SLC25A26: variants seen among roughly 807,000 people sequenced by gnomAD.
The protein encoded by SLC25A26 is solute carrier family 25 member 26.
A neutral mutation model predicts 37.8 loss-of-function variants in SLC25A26; 36 were observed. That is an observed-to-expected ratio of 0.95 (90% CI 0.73 to 1.26). The LOEUF is 1.26. Among genes scored for constraint, SLC25A26 ranks in the 50% most tolerant of loss-of-function variants. The probability of loss-of-function intolerance (pLI) is 0.00; values close to 1 mark genes in which losing one functional copy is unlikely to be tolerated. For synonymous variants in SLC25A26, 129 were observed against 122.5 expected, an observed-to-expected ratio of 1.05 and a Z score of -0.35; for missense variants, 390 against 331.1, an observed-to-expected ratio of 1.18 and a Z score of -1.38.
chr3:66,242,103 A>G (rs925586943), intron 2 of SLC25A26, among the ~76,000 whole-genome samples: 2 of 152,138 alleles, frequency 1.3e-5, no homozygotes, highest in Non-Finnish European at 2.9e-5. Flanking sequence ...AGAACCTTTT[A>G]TGTTACAAAA....
At chr3:66,233,902 G>A (rs2072150126) in intron 1 of SLC25A26, among the ~76,000 whole-genome samples, 1 of 152,136 alleles carries the variant, frequency 6.6e-6, no homozygotes, top group African/African-American at 2.4e-5. Flanking sequence ...TAGATTGAAA[G>A]AGTAATTATT....
chr3:66,302,563 G>A (rs1172538716), intron 5 of SLC25A26, among the ~76,000 whole-genome samples: 3 of 152,072 alleles, frequency 2.0e-5, no homozygotes, highest in East Asian at 1.9e-4. Context: ...AGTAAGCAGC[G>A]GTTCTCCACC....
At chr3:66,184,680 G>T (rs2070792227) in intron 1 of SLC25A26, among the ~76,000 whole-genome samples, 1 of 42,708 alleles carries the variant, frequency 2.3e-5, no homozygotes, top group Admixed American at 1.5e-4. Context: ...CCTAAAATTG[G>T]CCCTCATCTG....
chr3:66,299,754 G>A (rs552264774), intron 5 of SLC25A26, among the ~76,000 whole-genome samples: 2 of 152,196 alleles, frequency 1.3e-5, no homozygotes, highest in Admixed American at 6.5e-5. Context: ...TTTATTAAAC[G>A]TCTTGATTGT....
At chr3:66,258,950 G>C (rs1331867369) in intron 3 of SLC25A26, among the ~76,000 whole-genome samples, 5 of 150,812 alleles carry the variant, frequency 3.3e-5, no homozygotes, top group Non-Finnish European at 7.4e-5. Flanking sequence ...AGTTGTACTA[G>C]CCACTTTTCA....
At chr3:66,144,052 CA>C (rs2070078292) in intron 1 of SLC25A26, among the ~76,000 whole-genome samples, 2 of 152,048 alleles carry the variant, frequency 1.3e-5, no homozygotes, top group Non-Finnish European at 2.9e-5. Flanking sequence ...CATGAATACA[CA>C]AAGTGGGGTA....
intron 2 of SLC25A26, among the ~76,000 whole-genome samples, chr3:66,240,706 A>G (rs1435833017): frequency 1.3e-5 from 2 of 151,270 alleles, no homozygotes; most frequent in Non-Finnish European, 2.9e-5. Flanking sequence ...TAGTATCTAA[A>G]TATATTTTAT....
At chr3:66,363,476 G>T (rs936520009) in intron 7 of SLC25A26, among the ~76,000 whole-genome samples, 2 of 152,338 alleles carry the variant, frequency 1.3e-5, no homozygotes, top group Admixed American at 1.3e-4. Context: ...TAAAGCAAGA[G>T]CGAGGTGACA....
intron 1 of SLC25A26, among the ~76,000 whole-genome samples, chr3:66,146,006 T>G (rs552839568): frequency 9.0e-4 from 137 of 152,238 alleles, no homozygotes; most frequent in Non-Finnish European, 1.7e-3. Flanking sequence ...AAGTAGACCG[T>G]TTTTACACAT....
chr3:66,173,347 G>C (rs909899447), intron 1 of SLC25A26, among the ~76,000 whole-genome samples: 1 of 152,134 alleles, frequency 6.6e-6, no homozygotes, highest in African/African-American at 2.4e-5. Flanking sequence ...TAGAGGTAGG[G>C]TGAGGGTCCA....
chr3:66,245,652 C>A (rs908002983), intron 3 of SLC25A26, among the ~76,000 whole-genome samples: 25 of 152,146 alleles, frequency 1.6e-4, no homozygotes, highest in African/African-American at 6.0e-4. Context: ...GTTTTTGATG[C>A]ACTTTTTTTC....
intron 5 of SLC25A26, among the ~76,000 whole-genome samples, chr3:66,295,664 G>T (rs1211747365): frequency 6.6e-6 from 1 of 151,798 alleles, no homozygotes; most frequent in Non-Finnish European, 1.5e-5. Flanking sequence ...GCCTCCCGAA[G>T]ATTTTTTGTA....
At chr3:66,321,592 G>A (rs1029668079) in intron 5 of SLC25A26, among the ~76,000 whole-genome samples, 4 of 152,096 alleles carry the variant, frequency 2.6e-5, no homozygotes, top group African/African-American at 9.7e-5. Context: ...AGTGGGTGGG[G>A]GACAGGGTAC....
chr3:66,155,308 G>A (rs958427939), intron 1 of SLC25A26, among the ~76,000 whole-genome samples: 3 of 152,178 alleles, frequency 2.0e-5, no homozygotes, highest in Non-Finnish European at 2.9e-5. Context: ...CCGGGAGTTC[G>A]AAACTAGCCT....
intron 5 of SLC25A26, among the ~76,000 whole-genome samples, chr3:66,327,326 T>C (rs1361315154): frequency 6.6e-6 from 1 of 152,220 alleles, no homozygotes; most frequent in East Asian, 1.9e-4. Context: ...CAAAGTTTTC[T>C]TAGTAACCTA....
At chr3:66,139,005 G>A (rs889294508) in intron 1 of SLC25A26, among the ~76,000 whole-genome samples, 25 of 152,040 alleles carry the variant, frequency 1.6e-4, no homozygotes, top group Admixed American at 9.2e-4. Context: ...CAGTTGAAAC[G>A]AATTCAAATT....
chr3:66,177,124 T>C (rs144920501), intron 1 of SLC25A26, among the ~76,000 whole-genome samples: 72 of 152,320 alleles, frequency 4.7e-4, no homozygotes, highest in African/African-American at 1.6e-3. Flanking sequence ...GGAAGCCTCA[T>C]ATGTTTAATC....
intron 2 of SLC25A26, among the ~76,000 whole-genome samples, chr3:66,240,174 A>G (rs1559604977): frequency 6.6e-6 from 1 of 152,218 alleles, no homozygotes; most frequent in Non-Finnish European, 1.5e-5. Flanking sequence ...TGGCATTTTA[A>G]GTGGATACTC....
rs1003879706 is a variant in SLC25A26 at position 66,264,767 on chromosome 3, G to C, written c.453+1388G>C. On this transcript the variant is annotated intron_variant, in intron 5 of 9. Transcript: ENST00000354883. The stretch of plus-strand genomic sequence containing the variant: ...GCTGGTTTAAGAGGTGGATGTCTCA[G>C]AAGTCTGTATCAGGCAGTGAGCCCT... Among the ~76,000 whole-genome samples the C allele has an allele frequency of 2.0e-5, 3 of 152,152 alleles. No homozygotes were observed. In the South Asian group the frequency reaches 6.2e-4, roughly 32 times the overall value.
Sources: gnomAD v4.1 joint callset for allele counts (sites outside exome capture counted in the v4.1 genomes callset) on GRCh38, gnomAD v4.1.1 for gene constraint, MANE v1.5 for transcripts, NCBI Gene and HGNC (gene_info 2026-07-23, HGNC 2026-07-21) for gene names.